Variants in MYO16 observed in about 807,000 individuals in gnomAD.
MYO16 encodes unconventional myosin-XVI.
Under a neutral mutation model 205.3 loss-of-function variants are expected in MYO16, and 94 were observed. That is an observed-to-expected ratio of 0.46 (90% CI 0.39 to 0.54). The LOEUF (loss-of-function observed/expected upper bound fraction) is 0.54. Among genes scored for constraint, MYO16 ranks in the 20% least tolerant of loss-of-function variants. The pLI is 0.00. For synonymous variants in MYO16, 988 were observed against 954.0 expected, an observed-to-expected ratio of 1.04 and a Z score of -0.66; for missense variants, 2,315 against 2,387.5, an observed-to-expected ratio of 0.97 and a Z score of 0.63.
rs931670215 is a variant in MYO16, at chr13:109,162,185, T to A, written c.5165-2716T>A. On this transcript the variant is annotated intron_variant, in intron 32 of 34. Coordinates refer to ENST00000457511, the MANE Select transcript of MYO16 (RefSeq NM_001198950.3). This position sits in a 1 kb window ranked among gnomAD's most constrained non-coding sequence, Gnocchi z 4.6. ...AAACTTTAATTGCAAAAATGAGAAT[T>A]TTGGCTGCAATTTAAATACATCAGT... Among the ~76,000 whole-genome samples the A allele has an allele frequency of 2.0e-5, 3 of 152,112 alleles. No individual in the cohort carries two copies. The highest frequency in any genetic ancestry group is 4.4e-5 in the Non-Finnish European group (3 of 68,036).
At position 109,140,658 on chromosome 13, in the gene MYO16, C is replaced by T. The variant is rs1365023683; in HGVS notation, c.4446C>T (p.Leu1482=). The T allele has an allele frequency of 5.3e-6, 8 of 1,495,442 alleles. No homozygotes were observed. The highest frequency in any genetic ancestry group is 4.6e-5 in the Admixed American group (2 of 43,364). The allele number at this position is 1,495,442 out of a possible 1,614,324, so 92.6% of individuals were successfully genotyped here. A position where few individuals can be genotyped will look rare whatever the true frequency, so the allele number is the denominator to read the frequency against. Residue 1482 remains leucine (L), a synonymous_variant, in exon 32 of 35, where the codon CTC becomes CTT. Transcript: ENST00000457511. The surrounding 1 kb of genome is among the most constrained non-coding windows in gnomAD (Gnocchi z 8.0). Reference sequence around the variant, plus strand: ...TCCACGGCGCATCGCCGCCCCTGCTCCACCGCGCGCCGGAGGACGAGGCGG... The same window carrying T: ...TCCACGGCGCATCGCCGCCCCTGCTTCACCGCGCGCCGGAGGACGAGGCGG... The part of the protein sequence containing the change: ...FLLHGASPPL[L]HRAPEDEAAG...
At chr13:108,762,305 A>G (rs1020343400) in intron 4 of MYO16, among the ~76,000 whole-genome samples, 4 of 152,176 alleles carry the variant, frequency 2.6e-5, no homozygotes, top group African/African-American at 9.7e-5. Flanking sequence ...CAATAAACAC[A>G]TGAGGGCAGG....
rs112696894 is a variant in MYO16 at position 109,199,021 on chromosome 13, G to A, written c.5416-7588G>A. Among the ~76,000 whole-genome samples, 826 of 151,516 alleles carry A rather than the reference G, an allele frequency of 5.5e-3. 9 individuals are homozygous for A. The highest frequency in any genetic ancestry group is 0.018 in the African/African-American group (764 of 41,322). On this transcript the variant is annotated intron_variant, in intron 34 of 34. Coordinates refer to ENST00000457511, the MANE Select transcript of MYO16 (RefSeq NM_001198950.3). The stretch of plus-strand genomic sequence containing the variant: ...AATGTCATTCCTGTCACTTGTCTAC[G>A]TCAAATCCTGTGGAAACCCTTCTCC...
chr13:108,777,419 C>T (rs781321769), intron 4 of MYO16, among the ~76,000 whole-genome samples: 2 of 152,192 alleles, frequency 1.3e-5, no homozygotes, highest in Non-Finnish European at 2.9e-5. Flanking sequence ...GAAGCAGCCA[C>T]TGTTCCCCAC....
chr13:108,629,562 T>C (rs1324692316), upstream of MYO16: 3 of 358,494 alleles, frequency 8.4e-6, no homozygotes, highest in East Asian at 8.3e-5. Flanking sequence ...ATTCCCGGGA[T>C]TGTGGTACTC....
chr13:108,902,012 A>G (rs533583870), intron 15 of MYO16, among the ~76,000 whole-genome samples: 1 of 152,346 alleles, frequency 6.6e-6, no homozygotes, highest in South Asian at 2.1e-4. Context: ...TTTGGAGTAA[A>G]GTGTTGACAA....
chr13:109,136,421 T>A (rs1876780631), intron 31 of MYO16, among the ~76,000 whole-genome samples: 1 of 152,206 alleles, frequency 6.6e-6, no homozygotes, highest in African/African-American at 2.4e-5. Context: ...TTCAAATTAT[T>A]TGCCATCTGA....
At chr13:108,594,943 TG>T (rs531546814), upstream of MYO16, among the ~76,000 whole-genome samples, 89 of 152,356 alleles carry the variant, frequency 5.8e-4, 1 homozygote, top group South Asian at 2.5e-3. Context: ...AATAATTTTT[TG>T]CCTCTTTATC....
rs770465958 is a variant in MYO16 at position 109,141,005 on chromosome 13, C to T, written c.4793C>T (p.Pro1598Leu). 8.3e-6 allele frequency: 11 copies of T among 1,322,486 alleles called. No individual in the cohort carries two copies. The highest frequency in any genetic ancestry group is 2.5e-5 in the South Asian group (1 of 40,816). The allele number at this position is 1,322,486 out of a possible 1,614,324, so 81.9% of individuals were successfully genotyped here. A position where few individuals can be genotyped will look rare whatever the true frequency, so the allele number is the denominator to read the frequency against. ...RASPPSTPPPPPPPPGPPPAP... is the reference protein window; with the variant it reads ...RASPPSTPPPLPPPPGPPPAP... Reference sequence around the variant, plus strand: ...TCCCCGCCGTCCACGCCGCCCCCGCCCCCGCCCCCGCCCGGGCCGCCCCCC... The same window carrying T: ...TCCCCGCCGTCCACGCCGCCCCCGCTCCCGCCCCCGCCCGGGCCGCCCCCC... Residue 1598 changes from proline (P) to leucine (L), a missense_variant, in exon 32 of 35, where the codon CCC becomes CTC. By Grantham distance (98) the Pro-to-Leu change is moderately conservative. Transcript: ENST00000457511. The surrounding 1 kb of genome is among the most constrained non-coding windows in gnomAD (Gnocchi z 4.1).
intron 27 of MYO16, among the ~76,000 whole-genome samples, chr13:109,099,974 G>A (rs984724306): frequency 3.9e-5 from 6 of 152,164 alleles, no homozygotes; most frequent in South Asian, 2.1e-4. Context: ...TTCGGCTTGC[G>A]GAACAGCCGA....
chr13:108,847,472 A>G (rs185837994), intron 10 of MYO16, among the ~76,000 whole-genome samples: 5 of 152,322 alleles, frequency 3.3e-5, no homozygotes, highest in Admixed American at 2.0e-4. Context: ...AGTGGATTAT[A>G]TATTCACATT....
the MYO16 span, among the ~76,000 whole-genome samples, chr13:108,528,002 C>T: frequency 6.6e-6 from 1 of 152,168 alleles, no homozygotes; most frequent in South Asian, 2.1e-4. Flanking sequence ...TGACAGTTCA[C>T]TCTCTGAAAC....
chr13:108,738,223 T>C (rs1884774540), intron 4 of MYO16, among the ~76,000 whole-genome samples: 1 of 152,172 alleles, frequency 6.6e-6, no homozygotes, highest in African/African-American at 2.4e-5. Flanking sequence ...TTAATTGAGA[T>C]GTTAGGGTGT....
At chr13:109,129,736 A>G (rs1007057704) in intron 31 of MYO16, among the ~76,000 whole-genome samples, 2 of 152,192 alleles carry the variant, frequency 1.3e-5, no homozygotes, top group Non-Finnish European at 2.9e-5. Context: ...CAGTAATGAA[A>G]TGTGATTGAA....
intron 1 of MYO16, among the ~76,000 whole-genome samples, chr13:108,609,603 G>T (rs1360355704): frequency 1.3e-5 from 2 of 152,192 alleles, no homozygotes; most frequent in Non-Finnish European, 2.9e-5. Flanking sequence ...CACAGCAGAA[G>T]CCAAGATTCA....
upstream of MYO16, among the ~76,000 whole-genome samples, chr13:108,627,146 C>A (rs1879773825): frequency 6.6e-6 from 1 of 151,390 alleles, no homozygotes. Flanking sequence ...AATTATTTTC[C>A]TCAGTATTAA....
At chr13:108,645,571 G>T (rs1880715980) in intron 1 of MYO16, among the ~76,000 whole-genome samples, 1 of 152,142 alleles carries the variant, frequency 6.6e-6, no homozygotes, top group Admixed American at 6.5e-5. Context: ...AAGGAGTATG[G>T]TCTCGTTCAT....
At chr13:108,937,498 T>G (rs1015169759) in intron 16 of MYO16, among the ~76,000 whole-genome samples, 2 of 152,216 alleles carry the variant, frequency 1.3e-5, no homozygotes, top group Non-Finnish European at 2.9e-5. Flanking sequence ...CTTTCAGAAA[T>G]GCCAGTAATT....
chr13:108,975,249 G>C (rs945339641), intron 20 of MYO16, among the ~76,000 whole-genome samples: 35 of 151,444 alleles, frequency 2.3e-4, no homozygotes, highest in African/African-American at 8.3e-4. Context: ...ATTTTCTCAT[G>C]TTTTGCTGGA....
Sources: allele counts gnomAD v4.1 joint callset (sites outside exome capture counted in the v4.1 genomes callset), GRCh38; gene constraint gnomAD v4.1.1; non-coding constraint Gnocchi (gnomAD v3.1); transcripts MANE v1.5; gene names NCBI Gene and HGNC (gene_info 2026-07-23, HGNC 2026-07-21).